The following GTF3C1 variants were observed in gnomAD, a reference collection of about 807,000 sequenced individuals.
GTF3C1 encodes general transcription factor 3C polypeptide 1.
In GTF3C1, 57 loss-of-function variants were observed where a neutral mutation model predicts 226.7. The ratio of observed to expected loss-of-function variants is 0.25; its 90% CI spans 0.20 to 0.31. The LOEUF (loss-of-function observed/expected upper bound fraction) is 0.31, where lower values mean the gene tolerates loss of function less well. Among genes scored for constraint, GTF3C1 ranks in the 10% least tolerant of loss-of-function variants. The pLI is 1.00. For synonymous variants in GTF3C1, 1,090 were observed against 1,084.8 expected (o/e 1.00, Z -0.09); for missense variants, 2,217 against 2,776.1 (o/e 0.80, Z 4.53).
At chr16:27,500,842 A>G (rs1426014709) in intron 12 of GTF3C1, among the ~76,000 whole-genome samples, 1 of 152,230 alleles carries the variant, frequency 6.6e-6, no homozygotes, top group East Asian at 1.9e-4. Flanking sequence ...CTCCGAGGAA[A>G]GCATTCTTGC....
In GTF3C1 at chr16:27,463,794, C is replaced by T. The variant is rs2141338487; in HGVS notation, c.5873-202G>A. On this transcript the variant is annotated intron_variant, in intron 34 of 36. Transcript: ENST00000356183. This position sits in a 1 kb window ranked among gnomAD's most constrained non-coding sequence, Gnocchi z 4.9. ...CCGGGCAGACTGCCGCACACAGCGC[C>T]ACATGCAAGCAGCGTCCCAGGCCCG... 1.7e-6 allele frequency: 1 copy of T among 600,202 alleles called. No homozygotes were observed. Among genetic ancestry groups the T allele is most frequent in the Non-Finnish European group, 2.9e-6 (1 of 339,816 alleles). The allele number at this position is 600,202 out of a possible 1,614,324, so 37.2% of individuals were successfully genotyped here.
chr16:27,535,919 T>A (rs1327489183), intron 4 of GTF3C1, among the ~76,000 whole-genome samples: 1 of 151,884 alleles, frequency 6.6e-6, no homozygotes, highest in East Asian at 1.9e-4. Flanking sequence ...ACCATAAACC[T>A]TGACTAACAC....
intron 23 of GTF3C1, among the ~76,000 whole-genome samples, chr16:27,487,080 G>C (rs2088151163): frequency 1.3e-5 from 2 of 152,222 alleles, no homozygotes; most frequent in Non-Finnish European, 2.9e-5. Context: ...AGACTGTTTA[G>C]CGAGTGTCTT....
chr16:27,543,799 T>C (rs1024638566), intron 2 of GTF3C1, among the ~76,000 whole-genome samples: 1 of 152,124 alleles, frequency 6.6e-6, no homozygotes, highest in South Asian at 2.1e-4. Flanking sequence ...CACAAAAGCT[T>C]TGAGTCCTTA....
intron 5 of GTF3C1, 68 bp from the exon 6 acceptor site, chr16:27,528,789 A>G (rs2141438801): frequency 1.4e-6 from 2 of 1,409,302 alleles, no homozygotes. Context: ...AGAAAGTCAT[A>G]TAAATGAACA....
rs924295344 is a variant in GTF3C1 at position 27,471,069 on chromosome 16, G to A, written c.4527-674C>T. On this transcript the variant is annotated intron_variant, in intron 30 of 36. Coordinates refer to ENST00000356183, the MANE Select transcript of GTF3C1 (RefSeq NM_001520.4). The surrounding 1 kb of genome is among the most constrained non-coding windows in gnomAD (Gnocchi z 5.0). ...TGGGGAGGAGGAAGTGTCTGCCGTCGTGGGGAAGGGATGGGATCAAAGAAC... is the reference window on the plus strand; with the variant it reads ...TGGGGAGGAGGAAGTGTCTGCCGTCATGGGGAAGGGATGGGATCAAAGAAC... Among the ~76,000 whole-genome samples the A allele has an allele frequency of 3.9e-5, 6 of 152,238 alleles. No homozygotes were observed. The highest frequency in any genetic ancestry group is 7.2e-5 in the African/African-American group (3 of 41,456).
At chr16:27,512,304 C>A (rs182961453) in intron 6 of GTF3C1, among the ~76,000 whole-genome samples, 1 of 152,220 alleles carries the variant, frequency 6.6e-6, no homozygotes, top group East Asian at 1.9e-4. Context: ...GCAGTATTTG[C>A]CAAAAGGATG....
At chr16:27,515,290 C>A (rs1315745087) in intron 6 of GTF3C1, among the ~76,000 whole-genome samples, 1 of 151,844 alleles carries the variant, frequency 6.6e-6, no homozygotes, top group Non-Finnish European at 1.5e-5. Flanking sequence ...ATAACAAATA[C>A]AAAAAATTAG....
At position 27,489,124 on chromosome 16, in the gene GTF3C1, G is replaced by A. The variant is rs371742229; in HGVS notation, c.3348C>T (p.Ala1116=). 47 of 1,613,804 alleles carry A rather than the reference G, an allele frequency of 2.9e-5. No individual in the cohort carries two copies. Among genetic ancestry groups the A allele is most frequent in the South Asian group, 4.4e-5 (4 of 91,070 alleles). ...EGLIPGDGLG[A]AGLDSSFYGH... is the part of the protein sequence containing the mutation. ...CGTAGAAGCTGGAATCGAGCCCTGC[G>A]GCACCCAGCCCATCTCCAGGGATCA... The change falls in exon 21 of 37, where the codon GCC becomes GCT. Residue 1116 remains alanine, a synonymous_variant. Coordinates refer to ENST00000356183, the MANE Select transcript of GTF3C1 (RefSeq NM_001520.4).
chr16:27,497,717 G>A lies in GTF3C1; in HGVS notation c.2270C>T (p.Ser757Phe). Residue 757 changes from serine (S) to phenylalanine (F), a missense_variant, in exon 14 of 37, where the codon TCT (serine) becomes TTT (phenylalanine). Physicochemically the swap from Ser to Phe is radical, Grantham distance 155 (BLOSUM62 -2). Transcript: ENST00000356183. ...GSGDSQLSAS[S>F]RSESGRMKKS... ...TTTCATCCGTCCACTTTCTGATCTAGAGGAAGCACTCAGCTGAGAGTCCCC... is the reference window on the plus strand; with the variant it reads ...TTTCATCCGTCCACTTTCTGATCTAAAGGAAGCACTCAGCTGAGAGTCCCC... 12 of 1,613,942 alleles carry A rather than the reference G, an allele frequency of 7.4e-6. No homozygotes were observed. Among genetic ancestry groups the A allele is most frequent in the Non-Finnish European group, 1.0e-5 (12 of 1,179,826 alleles).
At position 27,464,665 on chromosome 16, in the gene GTF3C1, C is replaced by T. The variant is rs748660296; in HGVS notation, c.5527G>A (p.Glu1843Lys). 5.8e-6 allele frequency: 9 copies of T among 1,545,740 alleles called. No homozygotes were observed. The highest frequency in any genetic ancestry group is 5.6e-5 in the African/African-American group (4 of 71,590). The change falls in exon 34 of 37, where the codon GAG becomes AAG. Residue 1843 changes from glutamate to lysine, a missense_variant. Transcript: ENST00000356183. ...QARPLEGSSSEDSPPEGQAPP... is the reference protein window; with the variant it reads ...QARPLEGSSSKDSPPEGQAPP... ...GCCTGCCCCTCGGGGGGGCTGTCCTCACTGGAAGACCCCTCCAGGGGTCTG... is the reference window on the plus strand; with the variant it reads ...GCCTGCCCCTCGGGGGGGCTGTCCTTACTGGAAGACCCCTCCAGGGGTCTG...
intron 10 of GTF3C1, 103 bp downstream of exon 10, chr16:27,505,796 C>T (rs1041373795): frequency 4.1e-5 from 30 of 738,324 alleles, no homozygotes; most frequent in Non-Finnish European, 5.9e-5. Flanking sequence ...GCAGCACTCT[C>T]GCTGTGGATG....
chr16:27,541,895 C>T (rs913906347), intron 2 of GTF3C1, among the ~76,000 whole-genome samples: 3 of 152,140 alleles, frequency 2.0e-5, no homozygotes, highest in African/African-American at 7.2e-5. Context: ...CCGGGTGGTA[C>T]ATGGCCAGCT....
chr16:27,477,614 T>G (rs1216345230), intron 28 of GTF3C1, among the ~76,000 whole-genome samples: 1 of 152,244 alleles, frequency 6.6e-6, no homozygotes, highest in Non-Finnish European at 1.5e-5. Context: ...CCCTTATTTT[T>G]GTTAACAGTT....
Position 27,461,329 on chromosome 16 carries a change from G to A in GTF3C1, c.*21C>T, listed in dbSNP as rs375433883. On this transcript the variant is annotated 3_prime_UTR_variant, in exon 37 of 37. Coordinates refer to ENST00000356183, the MANE Select transcript of GTF3C1 (RefSeq NM_001520.4). This position sits in a 1 kb window ranked among gnomAD's most constrained non-coding sequence, Gnocchi z 5.3. ...GGTGTGGCAGGCGGTGGCTGGGAGGGAGGGGACGCCCACAGGGGTCCTAGA... is the reference window on the plus strand; with the variant it reads ...GGTGTGGCAGGCGGTGGCTGGGAGGAAGGGGACGCCCACAGGGGTCCTAGA... The A allele has an allele frequency of 2.7e-6, 4 of 1,506,378 alleles. No homozygotes were observed. The highest frequency in any genetic ancestry group is 3.7e-6 in the Non-Finnish European group (4 of 1,089,614). 93.3% of individuals were successfully genotyped at this position (1,506,378 alleles called of 1,614,324 possible).
chr16:27,489,831 T>C, intron 19 of GTF3C1, 88 bp from the exon 20 acceptor site: 5 of 1,358,632 alleles, frequency 3.7e-6, no homozygotes, highest in Non-Finnish European at 5.1e-6. Context: ...GGAAGAAGAG[T>C]GGATTCCCTG....
chr16:27,519,541 C>T (rs946394236), intron 6 of GTF3C1, among the ~76,000 whole-genome samples: 1 of 152,132 alleles, frequency 6.6e-6, no homozygotes, highest in Non-Finnish European at 1.5e-5. Flanking sequence ...CCACTTCCTC[C>T]TGAGTTCAGC....
intron 29 of GTF3C1, among the ~76,000 whole-genome samples, chr16:27,472,267 T>G (rs1391204770): frequency 6.6e-6 from 1 of 152,332 alleles, no homozygotes; most frequent in South Asian, 2.1e-4. Flanking sequence ...TCTACCACTC[T>G]GTCCCTTGGC....
chr16:27,548,152 T>C (rs575573179), intron 1 of GTF3C1, among the ~76,000 whole-genome samples: 1 of 152,344 alleles, frequency 6.6e-6, no homozygotes, highest in South Asian at 2.1e-4. Context: ...CTATTCCTCA[T>C]TCCCTACCTC....
Sources: allele counts gnomAD v4.1 joint callset (sites outside exome capture counted in the v4.1 genomes callset), GRCh38; gene constraint gnomAD v4.1.1; non-coding constraint Gnocchi (gnomAD v3.1); transcripts MANE v1.5; gene names NCBI Gene and HGNC (gene_info 2026-07-23, HGNC 2026-07-21).